RAPGEF4: variants seen among roughly 807,000 people sequenced by gnomAD.
RAPGEF4 encodes RAP guanine-nucleotide-exchange factor (GEF) 4.
A neutral mutation model predicts 147.9 loss-of-function variants in RAPGEF4; 66 were observed. The observed-to-expected ratio is 0.45, with a 90% CI of 0.37 to 0.55. The LOEUF is 0.55. RAPGEF4 is among the 20% of genes least tolerant of loss of function. The probability of loss-of-function intolerance (pLI) is 0.00; values close to 1 mark genes in which losing one functional copy is unlikely to be tolerated. For missense variants in RAPGEF4, 1,071 were observed against 1,257.3 expected (o/e 0.85, Z 2.24); for synonymous variants, 419 against 442.7 (o/e 0.95, Z 0.67).
chr2:172,781,954 T>A (rs1684722354), intron 1 of RAPGEF4, among the ~76,000 whole-genome samples: 1 of 152,204 alleles, frequency 6.6e-6, no homozygotes, highest in South Asian at 2.1e-4. Context: ...CCCACAGATA[T>A]GGAGGGCCAG....
rs150051012 is a variant in RAPGEF4, at chr2:172,841,484, T to A, written c.444+27059T>A. 5.3e-5 allele frequency among the ~76,000 whole-genome samples: 8 copies of A among 152,272 alleles called. 1 individual carries two copies. Among genetic ancestry groups the A allele is most frequent in the African/African-American group, 1.2e-4 (5 of 41,558 alleles). On this transcript the variant is annotated intron_variant, in intron 4 of 30. Coordinates refer to ENST00000397081, the MANE Select transcript of RAPGEF4 (RefSeq NM_007023.4). ...ATTCCTTTATGGCAATACAAACAGA[T>A]TGAGACAATGCACACACACACTTAC...
chr2:172,876,088 T>C (rs377177499), intron 4 of RAPGEF4, among the ~76,000 whole-genome samples: 8 of 152,210 alleles, frequency 5.3e-5, no homozygotes, highest in African/African-American at 1.2e-4. Context: ...TTTTTGCACA[T>C]TGATTTTGTA....
At chr2:172,956,654 T>C (rs1471671513) in intron 6 of RAPGEF4, among the ~76,000 whole-genome samples, 1 of 152,056 alleles carries the variant, frequency 6.6e-6, no homozygotes, top group African/African-American at 2.4e-5. Flanking sequence ...GTATTTTTAG[T>C]AGAGACGGGG....
chr2:172,795,949 A>G (rs187577066), intron 2 of RAPGEF4, among the ~76,000 whole-genome samples: 6 of 152,360 alleles, frequency 3.9e-5, no homozygotes, highest in African/African-American at 1.4e-4. Context: ...ATACAAAAAC[A>G]TCCTGCTGAA....
At chr2:172,904,794 T>C (rs1199305790) in intron 4 of RAPGEF4, among the ~76,000 whole-genome samples, 1 of 151,954 alleles carries the variant, frequency 6.6e-6, no homozygotes, top group Non-Finnish European at 1.5e-5. Flanking sequence ...CATCTAGGCC[T>C]GTCCTCCCCT....
chr2:172,807,349 C>T (rs1044437688), intron 3 of RAPGEF4, among the ~76,000 whole-genome samples: 6 of 152,256 alleles, frequency 3.9e-5, no homozygotes, highest in Admixed American at 2.0e-4. Context: ...AACCTTCCTG[C>T]GGCCGGCTTG....
intron 4 of RAPGEF4, chr2:172,821,765 AGT>A: frequency 9.0e-7 from 1 of 1,106,506 alleles, no homozygotes; most frequent in Non-Finnish European, 1.1e-6. Flanking sequence ...AAAAAAAGGA[AGT>A]GTTTTCTTAT....
rs1695332168 is a variant in RAPGEF4, at chr2:173,014,581, G to T, written c.1776G>T (p.Leu592=). ...GGGCTGCCATGTATGGAGACCTCCT[G>T]CAAGAGGATGACGTGTCTATGGCCT... The part of the protein sequence containing the change: ...LQWAAMYGDL[L]QEDDVSMAFL... Residue 592 remains leucine (L), a synonymous_variant, in exon 18 of 31, where the codon CTG becomes CTT. Transcript: ENST00000397081. The T allele has an allele frequency of 6.2e-7, 1 of 1,613,930 alleles. No individual in the cohort carries two copies. The highest frequency in any genetic ancestry group is 8.5e-7 in the Non-Finnish European group (1 of 1,179,962).
Position 172,970,082 on chromosome 2 carries a change from G to T in RAPGEF4, c.1004+2638G>T, listed in dbSNP as rs1021340312. Among the ~76,000 whole-genome samples, 12 of 151,866 alleles carry T rather than the reference G, an allele frequency of 7.9e-5. 1 individual carries two copies. Among genetic ancestry groups the T allele is most frequent in the Non-Finnish European group, 1.8e-4 (12 of 67,982 alleles). ...TCTGGAACTCTTCAGTTTTCTTTCT[G>T]CTGAAATAACAGCTCCCGAGAGATG... On this transcript the variant is annotated intron_variant, in intron 10 of 30. Coordinates refer to ENST00000397081, the MANE Select transcript of RAPGEF4 (RefSeq NM_007023.4).
chr2:173,024,362 C>T lies in RAPGEF4; in HGVS notation c.2254-2210C>T, dbSNP rs938985025. Among the ~76,000 whole-genome samples the T allele has an allele frequency of 1.3e-4, 20 of 148,690 alleles. 1 individual carries two copies. Among genetic ancestry groups the T allele is most frequent in the African/African-American group, 3.7e-4 (15 of 41,076 alleles). On this transcript the variant is annotated intron_variant, in intron 23 of 30. Coordinates refer to ENST00000397081, the MANE Select transcript of RAPGEF4 (RefSeq NM_007023.4). ...CCTCCCAAGTAGCTGGGACTACAGG[C>T]GCCCGCCACTACGCCCGGCTAATTT...
rs757593237 is a variant in RAPGEF4 at position 172,771,300 on chromosome 2, CTCA to C, written c.66-23723_66-23721del. Reference sequence around the variant, plus strand: ...TTCTTTTATAAGAACGGTAGTCCCACTCATGAGGACTCCTCCCAAAGCCCTACC... The same window carrying C: ...TTCTTTTATAAGAACGGTAGTCCCACTGAGGACTCCTCCCAAAGCCCTACC... On this transcript the variant is annotated intron_variant, in intron 1 of 30. Coordinates refer to ENST00000397081, the MANE Select transcript of RAPGEF4 (RefSeq NM_007023.4). Among the ~76,000 whole-genome samples, 9 of 151,986 alleles carry C rather than the reference CTCA, an allele frequency of 5.9e-5. 1 individual carries two copies. In the South Asian group the frequency reaches 6.2e-4, roughly 11 times the overall value.
chr2:173,037,005 C>T (rs1413128376), intron 29 of RAPGEF4, among the ~76,000 whole-genome samples: 7 of 152,122 alleles, frequency 4.6e-5, no homozygotes, highest in Non-Finnish European at 7.4e-5. Flanking sequence ...TTTGCTATAA[C>T]GTTTGTGGAG....
intron 16 of RAPGEF4, among the ~76,000 whole-genome samples, chr2:172,996,795 A>G (rs1276444296): frequency 6.6e-6 from 1 of 152,162 alleles, no homozygotes; most frequent in East Asian, 1.9e-4. Flanking sequence ...ACTATGCCTC[A>G]TCTTCCCTAG....
chr2:172,784,389 G>A (rs1341779621), intron 1 of RAPGEF4, among the ~76,000 whole-genome samples: 1 of 151,972 alleles, frequency 6.6e-6, no homozygotes, highest in East Asian at 1.9e-4. Context: ...ATGGTGGCAG[G>A]CCCCTGTAGT....
intron 1 of RAPGEF4, among the ~76,000 whole-genome samples, chr2:172,787,712 T>C (rs914478511): frequency 3.9e-5 from 6 of 152,010 alleles, no homozygotes; most frequent in Non-Finnish European, 7.4e-5. Flanking sequence ...CTCAACCTCC[T>C]GGGCTCAAGC....
At chr2:173,032,725 C>A (rs531836467) in intron 26 of RAPGEF4, among the ~76,000 whole-genome samples, 5 of 152,018 alleles carry the variant, frequency 3.3e-5, no homozygotes, top group Non-Finnish European at 7.4e-5. Context: ...TATACAGGGA[C>A]TAGTTTTTAG....
chr2:172,902,692 A>T (rs1053974413), intron 4 of RAPGEF4, among the ~76,000 whole-genome samples: 1 of 152,162 alleles, frequency 6.6e-6, no homozygotes, highest in Non-Finnish European at 1.5e-5. Context: ...TGCTGGGGAA[A>T]TGTAGGGCCT....
intron 10 of RAPGEF4, among the ~76,000 whole-genome samples, chr2:172,971,627 G>A (rs112841696): frequency 1.7e-4 from 26 of 152,206 alleles, no homozygotes; most frequent in African/African-American, 6.3e-4. Context: ...TTGGAATTGG[G>A]CTGGCAGTTT....
intron 10 of RAPGEF4, among the ~76,000 whole-genome samples, chr2:172,983,132 G>A (rs1691859880): frequency 6.6e-6 from 1 of 152,190 alleles, no homozygotes; most frequent in Non-Finnish European, 1.5e-5. Context: ...TTCTAGTGGT[G>A]TTAAAAGACA....
Sources: gnomAD v4.1 joint callset for allele counts (sites outside exome capture counted in the v4.1 genomes callset) on GRCh38, gnomAD v4.1.1 for gene constraint, MANE v1.5 for transcripts, NCBI Gene and HGNC (gene_info 2026-07-23, HGNC 2026-07-21) for gene names.